Variants in ADAMTS12 observed in about 807,000 individuals in gnomAD.
ADAMTS12 encodes the protein A disintegrin and metalloproteinase with thrombospondin motifs 12.
In ADAMTS12, 118 loss-of-function variants were observed where a neutral mutation model predicts 167.8. The ratio of observed to expected loss-of-function variants is 0.70; its 90% CI spans 0.61 to 0.82. The LOEUF is 0.82. Ranked by LOEUF, ADAMTS12 falls within the 40% of genes least tolerant of loss-of-function variation. The pLI, the probability that ADAMTS12 is intolerant of heterozygous loss-of-function variation, is 0.00. For synonymous variants in ADAMTS12, 704 were observed against 716.9 expected, an observed-to-expected ratio of 0.98 and a Z score of 0.29; for missense variants, 1,916 against 1,998.8, an observed-to-expected ratio of 0.96 and a Z score of 0.79.
intron 16 of ADAMTS12, among the ~76,000 whole-genome samples, chr5:33,598,515 G>A (rs762946531): frequency 9.8e-5 from 15 of 152,292 alleles, no homozygotes; most frequent in East Asian, 1.9e-4. Context: ...TGATATTCAT[G>A]CTGTTGGAGG....
chr5:33,802,330 C>T (rs1747044498), intron 2 of ADAMTS12, among the ~76,000 whole-genome samples: 1 of 152,212 alleles, frequency 6.6e-6, no homozygotes, highest in South Asian at 2.1e-4. Context: ...TGAACTCCAG[C>T]TCAAACAACT....
intron 2 of ADAMTS12, among the ~76,000 whole-genome samples, chr5:33,878,617 C>T (rs1405088199): frequency 2.0e-5 from 3 of 152,116 alleles, no homozygotes; most frequent in African/African-American, 2.4e-5. Flanking sequence ...GTGGTTGCAC[C>T]CCTGGTTGCT....
intron 3 of ADAMTS12, among the ~76,000 whole-genome samples, chr5:33,722,206 G>A (rs1743830069): frequency 6.6e-6 from 1 of 151,906 alleles, no homozygotes; most frequent in Admixed American, 6.6e-5. Flanking sequence ...AACCAAAAGA[G>A]TAATATAGTC....
At chr5:33,637,174 G>C (rs919029132) in intron 12 of ADAMTS12, among the ~76,000 whole-genome samples, 4 of 152,088 alleles carry the variant, frequency 2.6e-5, no homozygotes, top group African/African-American at 9.7e-5. Context: ...TTCACTGGAA[G>C]CCTTTTTTTT....
At chr5:33,842,396 G>C (rs570489834) in intron 2 of ADAMTS12, among the ~76,000 whole-genome samples, 1 of 152,290 alleles carries the variant, frequency 6.6e-6, no homozygotes, top group South Asian at 2.1e-4. Context: ...TGGTAAAATA[G>C]AATTTGCTTT....
intron 3 of ADAMTS12, among the ~76,000 whole-genome samples, chr5:33,695,859 A>T (rs1561219305): frequency 6.6e-6 from 1 of 152,148 alleles, no homozygotes; most frequent in African/African-American, 2.4e-5. Flanking sequence ...CAAAAGGTAA[A>T]TTTTTTGTTA....
At chr5:33,889,778 C>G (rs1256366344) in intron 1 of ADAMTS12, among the ~76,000 whole-genome samples, 3 of 152,170 alleles carry the variant, frequency 2.0e-5, no homozygotes, top group Middle Eastern at 3.4e-3. Flanking sequence ...ATGGTGAAAC[C>G]TCGTCTGTAC....
At chr5:33,839,094 A>AT (rs2111586356) in intron 2 of ADAMTS12, among the ~76,000 whole-genome samples, 1 of 152,302 alleles carries the variant, frequency 6.6e-6, no homozygotes, top group South Asian at 2.1e-4. Context: ...TCTTTCTGTG[A>AT]TTTAAAAAAG....
intron 3 of ADAMTS12, among the ~76,000 whole-genome samples, chr5:33,698,627 C>CCCATTTCCCCAACAGGT (rs11276005): frequency 1.3e-5 from 2 of 151,694 alleles, no homozygotes; most frequent in African/African-American, 4.8e-5. Flanking sequence ...TATCACTAGC[C>CCCATTTCCCCAACAGGT]CCATTACATT....
At chr5:33,682,554 A>G (rs1451481459) in intron 5 of ADAMTS12, among the ~76,000 whole-genome samples, 2 of 152,204 alleles carry the variant, frequency 1.3e-5, no homozygotes, top group African/African-American at 4.8e-5. Context: ...ACTTTACATC[A>G]TCTCTGAGAA....
At chr5:33,808,292 T>A (rs902536631) in intron 2 of ADAMTS12, among the ~76,000 whole-genome samples, 4 of 152,192 alleles carry the variant, frequency 2.6e-5, no homozygotes, top group African/African-American at 9.7e-5. Flanking sequence ...CTGTCAACAG[T>A]GGTTCTCAAA....
chr5:33,718,428 C>G (rs1288847463), intron 3 of ADAMTS12, among the ~76,000 whole-genome samples: 1 of 152,128 alleles, frequency 6.6e-6, no homozygotes, highest in East Asian at 1.9e-4. Context: ...AGATCAGCAG[C>G]AGCATTAGAT....
chr5:33,867,464 G>A (rs1580005019), intron 2 of ADAMTS12, among the ~76,000 whole-genome samples: 3 of 152,116 alleles, frequency 2.0e-5, no homozygotes, highest in Non-Finnish European at 4.4e-5. Flanking sequence ...TCAGAAGTGG[G>A]AGGTTGGAAG....
intron 2 of ADAMTS12, among the ~76,000 whole-genome samples, chr5:33,762,369 G>T (rs564926786): frequency 6.6e-6 from 1 of 151,786 alleles, no homozygotes; most frequent in African/African-American, 2.4e-5. Context: ...TTAGCGGGGC[G>T]TGGTGGCGGG....
intron 13 of ADAMTS12, among the ~76,000 whole-genome samples, chr5:33,628,418 C>T (rs1026914625): frequency 3.9e-5 from 6 of 151,952 alleles, no homozygotes; most frequent in African/African-American, 1.4e-4. Context: ...AACAAGCTTA[C>T]TAAAAAAAAC....
At chr5:33,715,633 G>A (rs1311712142) in intron 3 of ADAMTS12, among the ~76,000 whole-genome samples, 4 of 152,110 alleles carry the variant, frequency 2.6e-5, no homozygotes, top group Non-Finnish European at 4.4e-5. Context: ...TCTCGTGGCT[G>A]TAGATTTACT....
At chr5:33,871,738 T>C (rs570082880) in intron 2 of ADAMTS12, among the ~76,000 whole-genome samples, 1 of 152,138 alleles carries the variant, frequency 6.6e-6, no homozygotes, top group Non-Finnish European at 1.5e-5. Context: ...CTAGGCTAAC[T>C]AAGAAAAAAA....
chr5:33,639,035 A>G (rs542480547), intron 11 of ADAMTS12, among the ~76,000 whole-genome samples: 1 of 152,122 alleles, frequency 6.6e-6, no homozygotes. Context: ...ATTTGGTATT[A>G]TCTTTTTGTT....
intron 3 of ADAMTS12, among the ~76,000 whole-genome samples, chr5:33,708,727 A>T (rs925269532): frequency 6.6e-6 from 1 of 152,156 alleles, no homozygotes. Context: ...GTTCTCACTT[A>T]TAAGTGGGAG....
Sources: allele counts gnomAD v4.1 joint callset (sites outside exome capture counted in the v4.1 genomes callset), GRCh38; gene constraint gnomAD v4.1.1; transcripts MANE v1.5; gene names NCBI Gene and HGNC (gene_info 2026-07-23, HGNC 2026-07-21).